ATF2: variants seen among roughly 807,000 people sequenced by gnomAD.
ATF2 encodes activating transcription factor 2.
ATF2 carries 24 observed loss-of-function variants against 60.6 expected under a neutral mutation model. That is an observed-to-expected ratio of 0.40 (90% confidence interval 0.29 to 0.56). The LOEUF (loss-of-function observed/expected upper bound fraction) is 0.56, where lower values mean the gene tolerates loss of function less well. ATF2 is among the 20% of genes least tolerant of loss of function. The probability of loss-of-function intolerance (pLI) is 0.54; values close to 1 mark genes in which losing one functional copy is unlikely to be tolerated. For synonymous variants in ATF2, 206 were observed against 215.4 expected (o/e 0.96, Z 0.38); for missense variants, 433 against 607.7 (o/e 0.71, Z 3.02).
At chr2:175,108,785 T>G (rs1384550911) in intron 10 of ATF2, among the ~76,000 whole-genome samples, 1 of 138,238 alleles carries the variant, frequency 7.2e-6, no homozygotes, top group Non-Finnish European at 1.5e-5. Context: ...GCTGTATCTG[T>G]GTAGAAAGTA....
chr2:175,152,028 G>C (rs1485879394), intron 1 of ATF2, among the ~76,000 whole-genome samples: 3 of 152,094 alleles, frequency 2.0e-5, no homozygotes, highest in Non-Finnish European at 4.4e-5. Context: ...AGCTATCGGG[G>C]GGATAGGAAA....
At chr2:175,114,176 T>C (rs918939986) in intron 8 of ATF2, 68 bp from the exon 9 acceptor site, 4 of 1,501,088 alleles carry the variant, frequency 2.7e-6, no homozygotes, top group Non-Finnish European at 3.6e-6. Flanking sequence ...AAAAATACAA[T>C]AGTATTTTTA....
intron 10 of ATF2, among the ~76,000 whole-genome samples, chr2:175,098,632 G>A (rs566537737): frequency 6.6e-6 from 1 of 152,182 alleles, no homozygotes; most frequent in South Asian, 2.1e-4. Flanking sequence ...TAACTGTCTG[G>A]GGTGTTAAGT....
intron 9 of ATF2, among the ~76,000 whole-genome samples, chr2:175,113,051 T>TAC (rs987942079): frequency 6.6e-5 from 10 of 151,940 alleles, no homozygotes; most frequent in African/African-American, 2.4e-4. Context: ...CATAAAGTAA[T>TAC]ATCGTAAATG....
intron 13 of ATF2, among the ~76,000 whole-genome samples, chr2:175,079,729 T>C (rs1164694834): frequency 6.6e-6 from 1 of 152,154 alleles, no homozygotes; most frequent in South Asian, 2.1e-4. Context: ...TGAGGAACTG[T>C]TTGCATCCAA....
chr2:175,123,236 C>T (rs556158940), intron 4 of ATF2, among the ~76,000 whole-genome samples: 3 of 152,112 alleles, frequency 2.0e-5, no homozygotes, highest in African/African-American at 4.8e-5. Flanking sequence ...TCTCAGAAAA[C>T]GAACATATCT....
intron 1 of ATF2, among the ~76,000 whole-genome samples, chr2:175,166,893 A>T (rs1184506562): frequency 6.6e-6 from 1 of 152,252 alleles, no homozygotes; most frequent in East Asian, 1.9e-4. Flanking sequence ...TAATTTAGGG[A>T]TTAGTCAATC....
At chr2:175,081,221 T>A (rs1217024359) in intron 12 of ATF2, among the ~76,000 whole-genome samples, 1 of 152,062 alleles carries the variant, frequency 6.6e-6, no homozygotes, top group Non-Finnish European at 1.5e-5. Context: ...CAAGAAAAGC[T>A]CCACAGGGGA....
Position 175,136,482 on chromosome 2 carries a change from G to C in ATF2, c.-39C>G. On this transcript the variant is annotated 5_prime_UTR_variant, in exon 3 of 14. Coordinates refer to ENST00000264110, the MANE Select transcript of ATF2 (RefSeq NM_001880.4). The stretch of plus-strand genomic sequence containing the variant: ...TATCACATTCTTTTTCTCATGGCAA[G>C]AATACTGAAAAACAAAGTGGTTTCA... The C allele has an allele frequency of 6.3e-7, 1 of 1,578,068 alleles. No homozygotes were observed.
At chr2:175,078,337 T>C (rs930955386) in intron 13 of ATF2, among the ~76,000 whole-genome samples, 1 of 152,182 alleles carries the variant, frequency 6.6e-6, no homozygotes, top group Non-Finnish European at 1.5e-5. Context: ...TTCTTCCCAT[T>C]TATAATTATA....
intron 7 of ATF2, 86 bp from the exon 8 acceptor site, chr2:175,114,954 G>C (rs1696447822): frequency 7.7e-7 from 1 of 1,301,686 alleles, no homozygotes; most frequent in Non-Finnish European, 1.0e-6. Flanking sequence ...ACTTCTAAAA[G>C]CATCTACAGA....
At chr2:175,127,522 T>C (rs1697418736) in intron 4 of ATF2, among the ~76,000 whole-genome samples, 1 of 152,172 alleles carries the variant, frequency 6.6e-6, no homozygotes, top group Non-Finnish European at 1.5e-5. Context: ...CACTCAGCAG[T>C]GGCTTTTCAC....
chr2:175,118,924 T>C (rs1696766541), intron 5 of ATF2, among the ~76,000 whole-genome samples: 1 of 151,600 alleles, frequency 6.6e-6, no homozygotes, highest in Non-Finnish European at 1.5e-5. Flanking sequence ...TTTACCACTA[T>C]CTACTGAAAC....
chr2:175,132,401 T>C (rs1435083565), intron 3 of ATF2, among the ~76,000 whole-genome samples: 2 of 152,214 alleles, frequency 1.3e-5, no homozygotes, highest in African/African-American at 4.8e-5. Context: ...GAGTAGACAT[T>C]GAGCTTTATC....
intron 7 of ATF2, 144 bp from the exon 8 acceptor site, chr2:175,115,012 C>T (rs545665801): frequency 3.0e-6 from 2 of 669,024 alleles, no homozygotes; most frequent in Non-Finnish European, 4.5e-6. Context: ...ATTAAAAGAA[C>T]ATTTTAGAAG....
At chr2:175,093,876 C>G (rs1188956716) in intron 11 of ATF2, among the ~76,000 whole-genome samples, 1 of 152,100 alleles carries the variant, frequency 6.6e-6, no homozygotes, top group Non-Finnish European at 1.5e-5. Context: ...TATTAATACT[C>G]ATTTTTCTGG....
intron 2 of ATF2, among the ~76,000 whole-genome samples, chr2:175,150,858 T>A (rs755900304): frequency 6.6e-6 from 1 of 152,186 alleles, no homozygotes; most frequent in Non-Finnish European, 1.5e-5. Flanking sequence ...TGCTTTTATA[T>A]GCTCACATTC....
chr2:175,099,148 G>A (rs1179351776), intron 10 of ATF2, among the ~76,000 whole-genome samples: 1 of 145,502 alleles, frequency 6.9e-6, no homozygotes, highest in Non-Finnish European at 1.5e-5. Context: ...CTGTCGCCCA[G>A]GCTGGAGGGC....
At chr2:175,115,079 T>C (rs1378163497) in intron 7 of ATF2, among the ~76,000 whole-genome samples, 1 of 106,344 alleles carries the variant, frequency 9.4e-6, no homozygotes, top group Non-Finnish European at 2.0e-5. Flanking sequence ...AAAAGACTCG[T>C]TTTTTTTTTT....
Sources: allele counts gnomAD v4.1 joint callset (sites outside exome capture counted in the v4.1 genomes callset), GRCh38; gene constraint gnomAD v4.1.1; transcripts MANE v1.5; gene names NCBI Gene and HGNC (gene_info 2026-07-23, HGNC 2026-07-21).